The following NEMP2 variants were observed in gnomAD, a reference collection of about 807,000 sequenced individuals.
NEMP2 encodes the protein UPF0571 transmembrane protein.
In NEMP2, 53 loss-of-function variants were observed where a neutral mutation model predicts 54.2. That is an observed-to-expected ratio of 0.98 (90% CI 0.78 to 1.23). The LOEUF is 1.23. NEMP2 is among the 50% of genes most tolerant of loss of function. The pLI, the probability that NEMP2 is intolerant of heterozygous loss-of-function variation, is 0.00. For synonymous variants in NEMP2, 197 were observed against 190.3 expected (o/e 1.04, Z -0.29); for missense variants, 455 against 511.3 (o/e 0.89, Z 1.06).
chr2:190,507,689 C>G lies in NEMP2; in HGVS notation c.*1500G>C, dbSNP rs1359443180. On this transcript the variant is annotated 3_prime_UTR_variant, in exon 9 of 9. Transcript: ENST00000409150. The surrounding 1 kb of genome is among the most constrained non-coding windows in gnomAD (Gnocchi z 4.4). Reference sequence around the variant, plus strand: ...AAAAGTTCCCAGTATGAAAAGATGTCTGGCAAAAACAGACCTGTAAATACT... The same window carrying G: ...AAAAGTTCCCAGTATGAAAAGATGTGTGGCAAAAACAGACCTGTAAATACT... 1 of 151,890 alleles carries G rather than the reference C, an allele frequency of 6.6e-6. No individual in the cohort carries two copies. Among genetic ancestry groups the G allele is most frequent in the Non-Finnish European group, 1.5e-5 (1 of 67,982 alleles). 9.4% of individuals were successfully genotyped at this position (151,890 alleles called of 1,614,324 possible). A position where few individuals can be genotyped will look rare whatever the true frequency, so the allele number is the denominator to read the frequency against.
the NEMP2 span, among the ~76,000 whole-genome samples, chr2:190,428,328 C>T: frequency 1.3e-5 from 2 of 152,130 alleles, no homozygotes; most frequent in African/African-American, 2.4e-5. Context: ...GGTGAATATA[C>T]ATATCTTTTG....
the NEMP2 span, among the ~76,000 whole-genome samples, chr2:190,577,890 C>T: frequency 6.6e-6 from 1 of 151,880 alleles, no homozygotes; most frequent in Non-Finnish European, 1.5e-5. The surrounding 1 kb of genome is among the most constrained non-coding windows in gnomAD (Gnocchi z 4.8). Flanking sequence ...AAAACAAAAA[C>T]AAAAACAAAA....
the NEMP2 span, chr2:190,608,031 TAA>T: frequency 6.6e-6 from 1 of 152,210 alleles, no homozygotes; most frequent in Non-Finnish European, 1.5e-5. This position sits in a 1 kb window ranked among gnomAD's most constrained non-coding sequence, Gnocchi z 4.9. Context: ...AAATAAATAA[TAA>T]GTTTTAAATT....
chr2:190,564,917 G>C, the NEMP2 span, among the ~76,000 whole-genome samples: 1 of 152,196 alleles, frequency 6.6e-6, no homozygotes. This position sits in a 1 kb window ranked among gnomAD's most constrained non-coding sequence, Gnocchi z 4.2. Context: ...AGGAGAGAAA[G>C]CCATAGTCTA....
intron 6 of NEMP2, 71 bp downstream of exon 6, chr2:190,516,199 C>A: frequency 1.9e-6 from 2 of 1,043,486 alleles, no homozygotes; most frequent in South Asian, 3.6e-5. Context: ...AAACATCTAT[C>A]AAAAGAAGGC....
the NEMP2 span, among the ~76,000 whole-genome samples, chr2:190,611,873 T>C: frequency 6.6e-6 from 1 of 152,228 alleles, no homozygotes; most frequent in East Asian, 1.9e-4. The surrounding 1 kb of genome is among the most constrained non-coding windows in gnomAD (Gnocchi z 5.4). Context: ...AATTATGTAC[T>C]AGGTGTGGAG....
At chr2:190,526,546 A>C (rs913191979) in intron 1 of NEMP2, among the ~76,000 whole-genome samples, 1 of 152,250 alleles carries the variant, frequency 6.6e-6, no homozygotes, top group Non-Finnish European at 1.5e-5. Flanking sequence ...GAAGCAATCT[A>C]AACAAGAAAT....
chr2:190,463,823 A>C, the NEMP2 span: 7 of 919,356 alleles, frequency 7.6e-6, no homozygotes, highest in Non-Finnish European at 9.1e-6. This position sits in a 1 kb window ranked among gnomAD's most constrained non-coding sequence, Gnocchi z 4.4. Flanking sequence ...CTGTCTCAAA[A>C]ATAAATAAAT....
chr2:190,454,980 ATATGTATATGTATATGTATAATGTATAT>A, the NEMP2 span, among the ~76,000 whole-genome samples: 1 of 92,402 alleles, frequency 1.1e-5, no homozygotes, highest in Non-Finnish European at 2.9e-5. The surrounding 1 kb of genome is among the most constrained non-coding windows in gnomAD (Gnocchi z 4.6). Flanking sequence ...ATGTATATGT[ATATGTATATGTATATGTATAATGTATAT>A]GTATATGTAT....
the NEMP2 span, chr2:190,610,539 A>C: frequency 6.6e-6 from 1 of 152,236 alleles, no homozygotes; most frequent in Non-Finnish European, 1.5e-5. This position sits in a 1 kb window ranked among gnomAD's most constrained non-coding sequence, Gnocchi z 5.4. Flanking sequence ...TCCATAAGTC[A>C]AGTTTGATTC....
the NEMP2 span, among the ~76,000 whole-genome samples, chr2:190,462,078 C>T: frequency 9.9e-5 from 15 of 152,150 alleles, no homozygotes; most frequent in African/African-American, 2.7e-4. This position sits in a 1 kb window ranked among gnomAD's most constrained non-coding sequence, Gnocchi z 5.7. Context: ...GCCCTATCAT[C>T]GCAGATTTCC....
the NEMP2 span, among the ~76,000 whole-genome samples, chr2:190,450,896 AC>A: frequency 1.1e-4 from 16 of 152,302 alleles, no homozygotes; most frequent in Admixed American, 4.6e-4. Context: ...GGTGTACTAT[AC>A]CTTTGGACCA....
At chr2:190,613,562 T>C in the NEMP2 span, among the ~76,000 whole-genome samples, 2 of 152,124 alleles carry the variant, frequency 1.3e-5, no homozygotes, top group African/African-American at 4.8e-5. Flanking sequence ...TGGCAACTCT[T>C]AAGACATTTC....
chr2:190,550,032 G>C, the NEMP2 span, among the ~76,000 whole-genome samples: 4 of 152,212 alleles, frequency 2.6e-5, no homozygotes, highest in East Asian at 5.8e-4. This position sits in a 1 kb window ranked among gnomAD's most constrained non-coding sequence, Gnocchi z 4.7. Context: ...TCTAATGAAA[G>C]TTCAGGACTA....
At chr2:190,498,877 T>C in the NEMP2 span, among the ~76,000 whole-genome samples, 2 of 152,118 alleles carry the variant, frequency 1.3e-5, no homozygotes, top group African/African-American at 2.4e-5. This position sits in a 1 kb window ranked among gnomAD's most constrained non-coding sequence, Gnocchi z 5.9. Flanking sequence ...GGGCTGGGCA[T>C]GGTGGCTTAT....
chr2:190,477,697 T>A, the NEMP2 span, among the ~76,000 whole-genome samples: 1 of 152,236 alleles, frequency 6.6e-6, no homozygotes, highest in Non-Finnish European at 1.5e-5. Context: ...CCACAAGGTC[T>A]CACCAACTGT....
At chr2:190,428,160 CTT>C in the NEMP2 span, among the ~76,000 whole-genome samples, 868 of 152,264 alleles carry the variant, frequency 5.7e-3, 12 homozygotes, top group African/African-American at 0.02. Flanking sequence ...GAGATTCATC[CTT>C]GTCACTGCAT....
At chr2:190,585,497 C>T in the NEMP2 span, among the ~76,000 whole-genome samples, 1 of 152,122 alleles carries the variant, frequency 6.6e-6, no homozygotes, top group Non-Finnish European at 1.5e-5. This position sits in a 1 kb window ranked among gnomAD's most constrained non-coding sequence, Gnocchi z 5.3. Context: ...AGCCTTATGC[C>T]AGATGCATGG....
chr2:190,441,360 G>C, the NEMP2 span, among the ~76,000 whole-genome samples: 1 of 151,578 alleles, frequency 6.6e-6, no homozygotes, highest in Non-Finnish European at 1.5e-5. Context: ...TTCTAGGGGT[G>C]TACCGAGGCA....
Sources: gnomAD v4.1 joint callset for allele counts (sites outside exome capture counted in the v4.1 genomes callset) on GRCh38, gnomAD v4.1.1 for gene constraint, Gnocchi (gnomAD v3.1) non-coding constraint, MANE v1.5 for transcripts, NCBI Gene and HGNC (gene_info 2026-07-23, HGNC 2026-07-21) for gene names.